The following SLC13A4 variants were observed in gnomAD, a reference collection of about 807,000 sequenced individuals.
SLC13A4 encodes the protein Na(+)/sulfate cotransporter SUT-1.
SLC13A4 carries 28 observed loss-of-function variants against 72.7 expected under a neutral mutation model. The ratio of observed to expected loss-of-function variants is 0.39; its 90% CI spans 0.29 to 0.53. The LOEUF (loss-of-function observed/expected upper bound fraction) is 0.53. Ranked by LOEUF, SLC13A4 falls within the 20% of genes least tolerant of loss-of-function variation. SLC13A4 has a pLI of 0.78. For missense variants in SLC13A4, 653 were observed against 788.0 expected (o/e 0.83, Z 2.05); for synonymous variants, 312 against 325.5 (o/e 0.96, Z 0.45).
At chr7:135,713,827 G>T (rs1054529218) in intron 2 of SLC13A4, among the ~76,000 whole-genome samples, 1 of 152,156 alleles carries the variant, frequency 6.6e-6, no homozygotes, top group Non-Finnish European at 1.5e-5. Flanking sequence ...CTCCCACCTT[G>T]GCCTCCCAAA....
chr7:135,695,945 G>A lies in SLC13A4; in HGVS notation c.900-458C>T, dbSNP rs576138495. On this transcript the variant is annotated intron_variant, in intron 8 of 15. Coordinates refer to ENST00000682651, the MANE Select transcript of SLC13A4 (RefSeq NM_001318192.2). Reference sequence around the variant, plus strand: ...CTTAATGAAGTTTTTAGATATTAACGGTGCCCATAAGAGAACCAGGACTTG... The same window carrying A: ...CTTAATGAAGTTTTTAGATATTAACAGTGCCCATAAGAGAACCAGGACTTG... 6.6e-5 allele frequency among the ~76,000 whole-genome samples: 10 copies of A among 152,234 alleles called. No homozygotes were observed. The South Asian group carries it at 1.7e-3, about 25-fold the overall frequency.
In SLC13A4 at chr7:135,719,813, G is replaced by GTGTGTA. The variant is rs1563171335; in HGVS notation, c.228+1581_228+1582insTACACA. Among the ~76,000 whole-genome samples the GTGTGTA allele has an allele frequency of 5.6e-3, 826 of 146,530 alleles. 12 individuals are homozygous for GTGTGTA. Among genetic ancestry groups the GTGTGTA allele is most frequent in the African/African-American group, 0.017 (630 of 37,374 alleles). On this transcript the variant is annotated intron_variant, in intron 2 of 15. Transcript: ENST00000682651. ...TGTGTGTGTGTGTGTATGTGTGTGT[G>GTGTGTA]TGTGTGTGTGTGTGTATAGCCACAC...
chr7:135,702,637 A>G, intron 6 of SLC13A4: 1 of 534,974 alleles, frequency 1.9e-6, no homozygotes. Flanking sequence ...TGGCCTCCCA[A>G]AGTGCTGGGA....
intron 2 of SLC13A4, among the ~76,000 whole-genome samples, chr7:135,715,480 TGTATGTATGAGTGG>T (rs1276459413): frequency 1.2e-4 from 17 of 137,856 alleles, no homozygotes; most frequent in African/African-American, 4.8e-4. Context: ...TGTGTGTATG[TGTATGTATGAGTGG>T]GTGTGTAGGA....
intron 2 of SLC13A4, among the ~76,000 whole-genome samples, chr7:135,709,908 A>T (rs776333684): frequency 3.3e-5 from 5 of 152,158 alleles, no homozygotes; most frequent in Non-Finnish European, 7.3e-5. Context: ...TTATTTTTGT[A>T]TGTGTACTTC....
At chr7:135,701,659 T>C in intron 7 of SLC13A4, 21 bp downstream of exon 7, 1 of 1,611,684 alleles carries the variant, frequency 6.2e-7, no homozygotes, top group Non-Finnish European at 8.5e-7. Flanking sequence ...GAAACAGAGC[T>C]AGAAGGGGCC....
rs543332832 is a variant in SLC13A4, at chr7:135,714,314, G to A, written c.229-6064C>T. On this transcript the variant is annotated intron_variant, in intron 2 of 15. Coordinates refer to ENST00000682651, the MANE Select transcript of SLC13A4 (RefSeq NM_001318192.2). ...TGACTGGAGACACTGATTCATAACC[G>A]CCACCACCCCTGCCCAGTTTCTTCT... Among the ~76,000 whole-genome samples the A allele has an allele frequency of 1.2e-4, 18 of 152,262 alleles. No individual in the cohort carries two copies. The East Asian group carries it at 2.1e-3, about 18-fold the overall frequency.
chr7:135,689,009 C>T (rs1795709173), intron 13 of SLC13A4: 1 of 152,062 alleles, frequency 6.6e-6, no homozygotes, highest in African/African-American at 2.4e-5. Flanking sequence ...CTTCAACCTC[C>T]TGAGTAGCTG....
chr7:135,705,403 C>T, intron 5 of SLC13A4, 193 bp downstream of exon 5: 1 of 514,764 alleles, frequency 1.9e-6, no homozygotes, highest in Non-Finnish European at 3.4e-6. Context: ...AGTGACTCTC[C>T]AGGTCCTGAC....
chr7:135,684,738 C>T (rs1563154402), intron 14 of SLC13A4, among the ~76,000 whole-genome samples: 3 of 151,318 alleles, frequency 2.0e-5, no homozygotes, highest in Middle Eastern at 3.4e-3. Flanking sequence ...GTTTTAACTG[C>T]ACTCTGTTGC....
chr7:135,690,569 C>T (rs1795759785), intron 13 of SLC13A4, among the ~76,000 whole-genome samples: 1 of 152,190 alleles, frequency 6.6e-6, no homozygotes, highest in Non-Finnish European at 1.5e-5. Context: ...TTACCATCTC[C>T]TATTGCCACT....
Position 135,721,450 on chromosome 7 carries a change from G to A in SLC13A4, c.173C>T (p.Ala58Val). The A allele has an allele frequency of 6.2e-7, 1 of 1,614,144 alleles. No homozygotes were observed. Among genetic ancestry groups the A allele is most frequent in the Non-Finnish European group, 8.5e-7 (1 of 1,179,990 alleles). ...WVSEAVPLGA[A>V]ALVPAFLYPF... ...GTAAAGGAAGGCCGGCACCAGGGCT[G>A]CAGCTCCCAGAGGCACTGCCTCCGA... The change falls in exon 2 of 16, where the codon GCA (alanine) becomes GTA (valine). Residue 58 changes from alanine to valine, a missense_variant. Ala to Val is a moderately conservative substitution (Grantham distance 64). Transcript: ENST00000682651.
rs547809024 is a variant in SLC13A4 at position 135,711,053 on chromosome 7, C to T, written c.229-2803G>A. ...GAGCAGGAGGCACTGCAGGATTGTC[C>T]TAGGGAAGTGGTTGAACTTGGAGGT... is the stretch of plus-strand genomic sequence containing the variant. On this transcript the variant is annotated intron_variant, in intron 2 of 15. Transcript: ENST00000682651. Among the ~76,000 whole-genome samples the T allele has an allele frequency of 6.0e-4, 92 of 152,288 alleles. 1 individual carries two copies. The highest frequency in any genetic ancestry group is 2.1e-3 in the African/African-American group (89 of 41,572).
chr7:135,687,122 C>T (rs1047169267), intron 13 of SLC13A4, among the ~76,000 whole-genome samples: 3 of 152,160 alleles, frequency 2.0e-5, no homozygotes, highest in Non-Finnish European at 2.9e-5. Context: ...GGAAGATGTT[C>T]ACCTGCAAAT....
At chr7:135,722,485 C>T (rs976690361) in intron 1 of SLC13A4, among the ~76,000 whole-genome samples, 2 of 151,834 alleles carry the variant, frequency 1.3e-5, no homozygotes, top group Non-Finnish European at 2.9e-5. Flanking sequence ...AAGAATATAC[C>T]AGGGGGATCA....
At chr7:135,691,421 G>A in intron 12 of SLC13A4, 96 bp from the exon 13 acceptor site, 1 of 881,668 alleles carries the variant, frequency 1.1e-6, no homozygotes, top group Non-Finnish European at 1.7e-6. Context: ...TTGGGATACT[G>A]CTATTTGGGG....
At chr7:135,695,847 T>C (rs1327218189) in intron 8 of SLC13A4, among the ~76,000 whole-genome samples, 2 of 152,224 alleles carry the variant, frequency 1.3e-5, no homozygotes, top group African/African-American at 2.4e-5. Context: ...TGGTATACTT[T>C]GTTTCTAAAA....
In SLC13A4 at chr7:135,682,062, T is replaced by C. The variant is rs1482902913; in HGVS notation, c.1747-362A>G. Among the ~76,000 whole-genome samples, 3 of 152,312 alleles carry C rather than the reference T, an allele frequency of 2.0e-5. No individual in the cohort carries two copies. The East Asian group carries it at 5.8e-4, about 29-fold the overall frequency. On this transcript the variant is annotated intron_variant, in intron 15 of 15. Transcript: ENST00000682651. ...CAGATCTCTGTAAAGCAGGAACTTCTCAGAGCCCCGATGCGTTAATACAGG... is the reference window on the plus strand; with the variant it reads ...CAGATCTCTGTAAAGCAGGAACTTCCCAGAGCCCCGATGCGTTAATACAGG...
intron 1 of SLC13A4, among the ~76,000 whole-genome samples, chr7:135,726,547 C>T (rs1329838728): frequency 2.2e-5 from 3 of 139,088 alleles, no homozygotes; most frequent in Non-Finnish European, 4.6e-5. Context: ...GGACAAGCCA[C>T]AGACAGGAGG....
Sources: allele counts gnomAD v4.1 joint callset (sites outside exome capture counted in the v4.1 genomes callset), GRCh38; gene constraint gnomAD v4.1.1; transcripts MANE v1.5; gene names NCBI Gene and HGNC (gene_info 2026-07-23, HGNC 2026-07-21).